The following HELB variants were observed in gnomAD, a reference collection of about 807,000 sequenced individuals.
The protein encoded by HELB is DNA 5'-3' helicase B.
HELB carries 96 observed loss-of-function variants against 101.7 expected under a neutral mutation model. That is an observed-to-expected ratio of 0.94 (90% confidence interval 0.80 to 1.12). HELB has a LOEUF of 1.12. HELB is among the 50% of genes most tolerant of loss of function. The probability of loss-of-function intolerance (pLI) is 0.00; values close to 1 mark genes in which losing one functional copy is unlikely to be tolerated. For missense variants in HELB, 1,210 were observed against 1,291.9 expected (o/e 0.94, Z 0.97); for synonymous variants, 437 against 459.7 (o/e 0.95, Z 0.63).
Position 66,302,667 on chromosome 12 carries a change from G to A in HELB, c.64G>A (p.Val22Met). 6.2e-7 allele frequency: 1 copy of A among 1,613,978 alleles called. No homozygotes were observed. ...QGPLLPPRDLVEEDDDYLNDD... is the reference protein window; with the variant it reads ...QGPLLPPRDLMEEDDDYLNDD... Reference sequence around the variant, plus strand: ...ACCTCTGCTCCCACCCAGGGATCTGGTGGAGGAGGACGACGACTACCTAAA... The same window carrying A: ...ACCTCTGCTCCCACCCAGGGATCTGATGGAGGAGGACGACGACTACCTAAA... Residue 22 changes from valine (V) to methionine (M), a missense_variant, in exon 1 of 13, where the codon GTG (valine) becomes ATG (methionine). Coordinates refer to ENST00000247815, the MANE Select transcript of HELB (RefSeq NM_001370285.1).
chr12:66,327,564 C>A (rs2053755938), intron 11 of HELB, among the ~76,000 whole-genome samples: 2 of 109,350 alleles, frequency 1.8e-5, no homozygotes, highest in South Asian at 6.1e-4. Flanking sequence ...AGATATCTTT[C>A]TGGTTATTTC....
chr12:66,318,803 A>G lies in HELB; in HGVS notation c.2155+11A>G, dbSNP rs1299478391. 9 of 1,585,770 alleles carry G rather than the reference A, an allele frequency of 5.7e-6. No individual in the cohort carries two copies. Among genetic ancestry groups the G allele is most frequent in the Non-Finnish European group, 7.7e-6 (9 of 1,168,028 alleles). ...CTAATCATCACTCTTGTAAGTATAAACTTCTATGAGATGTAGAGTTAAGTA... is the reference window on the plus strand; with the variant it reads ...CTAATCATCACTCTTGTAAGTATAAGCTTCTATGAGATGTAGAGTTAAGTA... On this transcript the variant is annotated intron_variant, in intron 7 of 12. Coordinates refer to ENST00000247815, the MANE Select transcript of HELB (RefSeq NM_001370285.1).
At chr12:66,306,070 G>A (rs2053471679) in intron 2 of HELB, among the ~76,000 whole-genome samples, 1 of 152,026 alleles carries the variant, frequency 6.6e-6, no homozygotes, top group East Asian at 1.9e-4. Flanking sequence ...TTTTTATTCT[G>A]TTATAGTGCA....
chr12:66,323,602 T>C (rs765054727), intron 9 of HELB, among the ~76,000 whole-genome samples: 4 of 152,172 alleles, frequency 2.6e-5, no homozygotes, highest in Non-Finnish European at 4.4e-5. Context: ...GTATAAGTGC[T>C]GTAAGACCTC....
chr12:66,328,207 T>A (rs2053764949), intron 11 of HELB, among the ~76,000 whole-genome samples: 1 of 152,180 alleles, frequency 6.6e-6, no homozygotes, highest in South Asian at 2.1e-4. Context: ...ACTAGCCACG[T>A]GTAGCTATTG....
At chr12:66,321,781 C>T in intron 7 of HELB, 167 bp from the exon 8 acceptor site, 1 of 511,230 alleles carries the variant, frequency 2.0e-6, no homozygotes, top group Non-Finnish European at 3.5e-6. Flanking sequence ...TCCTATTGCC[C>T]TGGCTGATGT....
chr12:66,325,192 T>C (rs564297488), intron 11 of HELB, 66 bp downstream of exon 11: 3 of 1,190,308 alleles, frequency 2.5e-6, no homozygotes, highest in Non-Finnish European at 3.6e-6. Context: ...TGCATTGTTT[T>C]CGTAAATTTT....
chr12:66,314,510 A>C (rs1342257867), intron 5 of HELB, among the ~76,000 whole-genome samples: 2 of 152,264 alleles, frequency 1.3e-5, no homozygotes, highest in South Asian at 2.1e-4. Context: ...GGCCACTTAA[A>C]AGTAATTTCA....
intron 12 of HELB, among the ~76,000 whole-genome samples, chr12:66,335,470 T>C (rs1168328): frequency 0.5 from 75,926 of 151,728 alleles, 19,484 homozygotes; most frequent in East Asian, 0.58. Flanking sequence ...GAATGGGAGC[T>C]GAAAGGGCGG....
chr12:66,313,320 G>A (rs747603478), intron 4 of HELB, among the ~76,000 whole-genome samples: 11 of 152,058 alleles, frequency 7.2e-5, no homozygotes, highest in Non-Finnish European at 1.5e-4. Context: ...TGCTCAAAAA[G>A]TTAAGGATTT....
At chr12:66,323,630 G>C (rs1179398672) in intron 9 of HELB, among the ~76,000 whole-genome samples, 1 of 152,168 alleles carries the variant, frequency 6.6e-6, no homozygotes, top group African/African-American at 2.4e-5. Flanking sequence ...GTAATGATAA[G>C]AGAGATTGGA....
At chr12:66,317,340 C>T (rs1341302703) in intron 6 of HELB, among the ~76,000 whole-genome samples, 1 of 152,212 alleles carries the variant, frequency 6.6e-6, no homozygotes, top group Non-Finnish European at 1.5e-5. Context: ...TTCTCTAAGC[C>T]TCTGTCTACC....
rs1477183811 is a variant in HELB at position 66,315,349 on chromosome 12, G to A, written c.1966G>A (p.Ala656Thr). Residue 656 changes from alanine to threonine, a missense_variant, in exon 6 of 13, where the codon GCA becomes ACA. Ala to Thr is a moderately conservative substitution (Grantham distance 58). Around this residue, in one of 2 missense-constraint regions of HELB, gnomAD observed 740 missense variants for 728.8 expected, o/e 1.02. Transcript: ENST00000247815. ...CAIELKTNHR[A>T]ESQLIVDNAT... ...TATTGAGCTAAAGACAAACCATAGA[G>A]CAGAATCTCAGCTCATTGTGGACAA... 1 of 1,604,690 alleles carries A rather than the reference G, an allele frequency of 6.2e-7. No individual in the cohort carries two copies. Among genetic ancestry groups the A allele is most frequent in the Admixed American group, 1.7e-5 (1 of 58,674 alleles).
downstream of HELB, chr12:66,338,841 G>A (rs2053894837): frequency 6.6e-6 from 1 of 152,140 alleles, no homozygotes; most frequent in Non-Finnish European, 1.5e-5. Flanking sequence ...GTTGAAATGT[G>A]GTCATTTTAC....
chr12:66,302,685 T>C lies in HELB; in HGVS notation c.82T>C (p.Tyr28His). Residue 28 changes from tyrosine (Y) to histidine (H), a missense_variant, in exon 1 of 13, where the codon TAC becomes CAC. Coordinates refer to ENST00000247815, the MANE Select transcript of HELB (RefSeq NM_001370285.1). Reference sequence around the variant, plus strand: ...GGATCTGGTGGAGGAGGACGACGACTACCTAAACGACGACGTGGAGGAGGA... The same window carrying C: ...GGATCTGGTGGAGGAGGACGACGACCACCTAAACGACGACGTGGAGGAGGA... ...PRDLVEEDDDYLNDDVEEDEE... is the reference protein window; with the variant it reads ...PRDLVEEDDDHLNDDVEEDEE... 1 of 1,614,096 alleles carries C rather than the reference T, an allele frequency of 6.2e-7. No homozygotes were observed. Among genetic ancestry groups the C allele is most frequent in the East Asian group, 2.2e-5 (1 of 44,878 alleles).
rs761434780 is a variant in HELB at position 66,314,022 on chromosome 12, A to G, written c.1717A>G (p.Met573Val). 3 of 1,613,868 alleles carry G rather than the reference A, an allele frequency of 1.9e-6. No individual in the cohort carries two copies. The Admixed American group carries it at 5.0e-5, about 27-fold the overall frequency. The change falls in exon 5 of 13, where the codon ATG becomes GTG. Residue 573 changes from methionine to valine, a missense_variant. Physicochemically the swap from Met to Val is conservative, Grantham distance 21. Transcript: ENST00000247815. Reference sequence around the variant, plus strand: ...CTTCTATTCATGGACTCAAACAATGATGACCACAAACAAACCATGGAAATT... The same window carrying G: ...CTTCTATTCATGGACTCAAACAATGGTGACCACAAACAAACCATGGAAATT... ...YSFYSWTQTM[M>V]TTNKPWKFSS...
chr12:66,307,739 C>T (rs1307130117), intron 3 of HELB, among the ~76,000 whole-genome samples: 1 of 151,560 alleles, frequency 6.6e-6, no homozygotes, highest in Non-Finnish European at 1.5e-5. Flanking sequence ...TTCTCTCTAC[C>T]TCCCCTTTTC....
chr12:66,309,734 G>A lies in HELB; in HGVS notation c.806G>A (p.Arg269Gln), dbSNP rs1042772360. 16 of 1,611,262 alleles carry A rather than the reference G, an allele frequency of 9.9e-6. No homozygotes were observed. Among genetic ancestry groups the A allele is most frequent in the South Asian group, 2.2e-5 (2 of 90,836 alleles). ...ACCTACAGAGAGTGGAAACTCCTGC[G>A]ATGTGAGGCAAGTTGGATAGCATTT... is the stretch of plus-strand genomic sequence containing the variant. The part of the protein sequence containing the change: ...KITYREWKLL[R>Q]CEASWIAFCQ... Residue 269 changes from arginine (R) to glutamine (Q), a missense_variant, in exon 4 of 13, where the codon CGA becomes CAA. By Grantham distance (43) the Arg-to-Gln change is conservative (BLOSUM62 1). Around this residue, in one of 2 missense-constraint regions of HELB, gnomAD observed 470 missense variants for 563.1 expected, o/e 0.83. Transcript: ENST00000247815.
chr12:66,324,675 T>C (rs2053714775), intron 10 of HELB, among the ~76,000 whole-genome samples: 1 of 152,330 alleles, frequency 6.6e-6, no homozygotes, highest in South Asian at 2.1e-4. Flanking sequence ...AAGAATCTAC[T>C]CAGACTTATG....
Sources: gnomAD v4.1 joint callset for allele counts (sites outside exome capture counted in the v4.1 genomes callset) on GRCh38, gnomAD v4.1.1 for gene constraint, gnomAD v4.1.1 regional missense constraint, MANE v1.5 for transcripts, NCBI Gene and HGNC (gene_info 2026-07-23, HGNC 2026-07-21) for gene names.